SSBP3: variants seen among roughly 807,000 people sequenced by gnomAD.
SSBP3 encodes single-stranded DNA-binding protein 3.
In SSBP3, 5 loss-of-function variants were observed where a neutral mutation model predicts 69.6. The observed-to-expected ratio is 0.07, with a 90% CI of 0.04 to 0.15. The LOEUF is 0.15. SSBP3 is among the 10% of genes least tolerant of loss of function. The pLI is 1.00. For missense variants in SSBP3, 312 were observed against 534.0 expected (o/e 0.58, Z 4.10); for synonymous variants, 196 against 193.4 (o/e 1.01, Z -0.11).
At chr1:54,255,158 CGGGGGGGG>C (rs34404422) in intron 7 of SSBP3, among the ~76,000 whole-genome samples, 1 of 63,396 alleles carries the variant, frequency 1.6e-5, no homozygotes, top group Admixed American at 1.8e-4. Flanking sequence ...TGCGGGGGGG[CGGGGGGGG>C]GGGTGGTTGG....
intron 4 of SSBP3, chr1:54,325,300 C>T (rs1443202446): frequency 6.0e-6 from 1 of 166,878 alleles, no homozygotes; most frequent in Non-Finnish European, 1.5e-5. Flanking sequence ...TCTCTGAGAA[C>T]CATGTTAACC....
At chr1:54,251,000 G>T (rs1356245412) in intron 9 of SSBP3, among the ~76,000 whole-genome samples, 2 of 152,222 alleles carry the variant, frequency 1.3e-5, no homozygotes, top group Admixed American at 1.3e-4. Flanking sequence ...GCCCTTTGTG[G>T]CAGCGGAGCC....
chr1:54,240,134 C>T (rs1195937036), intron 13 of SSBP3, among the ~76,000 whole-genome samples: 3 of 141,800 alleles, frequency 2.1e-5, no homozygotes, highest in Non-Finnish European at 1.5e-5. Flanking sequence ...CACATGCCCA[C>T]GTATGTGCAC....
chr1:54,267,590 G>A (rs143184299), intron 5 of SSBP3, among the ~76,000 whole-genome samples: 164 of 152,316 alleles, frequency 1.1e-3, no homozygotes, highest in African/African-American at 3.7e-3. Flanking sequence ...ATTCTGGACC[G>A]TGAGGATGGC....
chr1:54,406,843 G>A (rs1649815849), upstream of SSBP3, among the ~76,000 whole-genome samples: 1 of 134,626 alleles, frequency 7.4e-6, no homozygotes, highest in Non-Finnish European at 1.6e-5. Context: ...CTGCCCCTCA[G>A]CTCCCCCCCG....
In SSBP3 at chr1:54,344,956, C is replaced by T. The variant is rs113981097; in HGVS notation, c.276+56905G>A. Among the ~76,000 whole-genome samples the T allele has an allele frequency of 5.3e-5, 8 of 152,308 alleles. No homozygotes were observed. In the South Asian group the frequency reaches 6.2e-4, roughly 12 times the overall value. On this transcript the variant is annotated intron_variant, in intron 4 of 17. Transcript: ENST00000610401. The stretch of plus-strand genomic sequence containing the variant: ...GTACAGCTGTAAATTGCATTTGGTG[C>T]GTGTGGTTTTTCCTCACAGCACTGA...
Position 54,411,763 on chromosome 1 carries a change from G to A in SSBP3, c.-275+1593C>T, listed in dbSNP as rs192124257. On this transcript the variant is annotated intron_variant, in intron 1 of 8. Coordinates refer to the SSBP3 transcript ENST00000525990. The stretch of plus-strand genomic sequence containing the variant: ...AAAAATTAGCTGGGCATGGTGGCGG[G>A]CGCCTGCAGTCCCAGCTACTCAGGA... 8.2e-3 allele frequency among the ~76,000 whole-genome samples: 1,247 copies of A among 152,010 alleles called. 19 individuals carry two copies. The highest frequency in any genetic ancestry group is 0.029 in the African/African-American group (1,199 of 41,448).
intron 14 of SSBP3, among the ~76,000 whole-genome samples, chr1:54,233,487 G>A (rs1223489251): frequency 4.0e-5 from 6 of 151,322 alleles, no homozygotes; most frequent in Non-Finnish European, 7.4e-5. Context: ...TGGGAGGGAG[G>A]TGGGGGGTCA....
At chr1:54,282,074 A>AATAATAATAAT (rs1553130865) in intron 4 of SSBP3, among the ~76,000 whole-genome samples, 1,649 of 124,972 alleles carry the variant, frequency 0.013, 17 homozygotes, top group African/African-American at 0.037. Context: ...ATAATAATAA[A>AATAATAATAAT]AAAATGGGGG....
chr1:54,329,577 G>A (rs1356220157), intron 4 of SSBP3, among the ~76,000 whole-genome samples: 1 of 152,218 alleles, frequency 6.6e-6, no homozygotes, highest in Admixed American at 6.5e-5. Context: ...TTGGTCCAGG[G>A]CCCCAGGCTA....
At position 54,267,861 on chromosome 1, in the gene SSBP3, C is replaced by G. The variant is rs549165180; in HGVS notation, c.367-9712G>C. 1.4e-4 allele frequency among the ~76,000 whole-genome samples: 21 copies of G among 152,270 alleles called. No homozygotes were observed. The South Asian group carries it at 3.9e-3, about 29-fold the overall frequency. Reference sequence around the variant, plus strand: ...GCTCCTTCCATCCTACCTGCTGCCCCGCTAAGTCACATCCCAGCCCTGCAC... The same window carrying G: ...GCTCCTTCCATCCTACCTGCTGCCCGGCTAAGTCACATCCCAGCCCTGCAC... On this transcript the variant is annotated intron_variant, in intron 5 of 17. Coordinates refer to ENST00000610401, the Ensembl canonical transcript of SSBP3.
At chr1:54,304,751 T>C (rs12043517) in intron 4 of SSBP3, among the ~76,000 whole-genome samples, 15,117 of 152,202 alleles carry the variant, frequency 0.099, 1,244 homozygotes, top group East Asian at 0.23. Context: ...GTTGAGTTTG[T>C]GGATGCTGTC....
At chr1:54,374,285 C>T (rs536049241) in intron 4 of SSBP3, among the ~76,000 whole-genome samples, 1 of 152,360 alleles carries the variant, frequency 6.6e-6, no homozygotes, top group South Asian at 2.1e-4. Flanking sequence ...AGGAGGCCTG[C>T]AGCCTGCAGC....
chr1:54,347,057 G>T (rs995810672), intron 4 of SSBP3, among the ~76,000 whole-genome samples: 1 of 151,976 alleles, frequency 6.6e-6, no homozygotes, highest in Non-Finnish European at 1.5e-5. Flanking sequence ...GGACTCCTGG[G>T]ATCAAGCAAT....
intron 4 of SSBP3, among the ~76,000 whole-genome samples, chr1:54,314,979 G>C (rs1569769016): frequency 6.6e-6 from 1 of 152,142 alleles, no homozygotes; most frequent in Non-Finnish European, 1.5e-5. Context: ...ACTCGGCCCT[G>C]ATCATCCATG....
At chr1:54,239,595 C>T (rs150222019) in intron 13 of SSBP3, among the ~76,000 whole-genome samples, 2 of 152,314 alleles carry the variant, frequency 1.3e-5, no homozygotes, top group Admixed American at 6.5e-5. Flanking sequence ...GAAAGGGAAA[C>T]GTGGCAAATT....
chr1:54,228,594 G>C, intron 15 of SSBP3, 117 bp from the exon 16 acceptor site: 2 of 1,507,368 alleles, frequency 1.3e-6, no homozygotes, highest in Non-Finnish European at 1.8e-6. Flanking sequence ...ACACTGTGCG[G>C]AGGGCTTTCT....
intron 5 of SSBP3, among the ~76,000 whole-genome samples, chr1:54,279,166 T>C (rs142184155): frequency 4.6e-5 from 7 of 152,292 alleles, no homozygotes; most frequent in Non-Finnish European, 8.8e-5. Context: ...TGCTCTCTGC[T>C]GTCTACTGGA....
At chr1:54,274,782 C>T (rs1166451920) in intron 5 of SSBP3, among the ~76,000 whole-genome samples, 1 of 152,170 alleles carries the variant, frequency 6.6e-6, no homozygotes, top group Non-Finnish European at 1.5e-5. Flanking sequence ...TTATTAGGAA[C>T]CTTTCATGGC....
Sources: allele counts gnomAD v4.1 joint callset (sites outside exome capture counted in the v4.1 genomes callset), GRCh38; gene constraint gnomAD v4.1.1; transcripts MANE v1.5; gene names NCBI Gene and HGNC (gene_info 2026-07-23, HGNC 2026-07-21).